Variants in FUT9 observed in about 807,000 individuals in gnomAD.
FUT9 encodes the protein 4-galactosyl-N-acetylglucosaminide 3-alpha-L-fucosyltransferase 9.
Under a neutral mutation model 29.7 loss-of-function variants are expected in FUT9, and 15 were observed. That is an observed-to-expected ratio of 0.51 (90% CI 0.34 to 0.78). FUT9 has a LOEUF of 0.78. Ranked by LOEUF, FUT9 falls within the 30% of genes least tolerant of loss-of-function variation. The probability of loss-of-function intolerance (pLI) is 0.01; values close to 1 mark genes in which losing one functional copy is unlikely to be tolerated. For missense variants in FUT9, 319 were observed against 425.4 expected, an observed-to-expected ratio of 0.75 and a Z score of 2.20; for synonymous variants, 169 against 153.7, an observed-to-expected ratio of 1.10 and a Z score of -0.74.
At chr6:96,166,349 C>A (rs1264403979) in intron 2 of FUT9, among the ~76,000 whole-genome samples, 1 of 152,052 alleles carries the variant, frequency 6.6e-6, no homozygotes, top group East Asian at 1.9e-4. Flanking sequence ...CATTATCTTA[C>A]TAGTGTAATA....
At chr6:96,174,214 C>T (rs1371624165) in intron 2 of FUT9, among the ~76,000 whole-genome samples, 3 of 152,010 alleles carry the variant, frequency 2.0e-5, no homozygotes, top group Admixed American at 2.0e-4. Flanking sequence ...TGTAAAATGA[C>T]TCAAAATTAA....
At chr6:96,114,642 T>C (rs573591085) in intron 2 of FUT9, among the ~76,000 whole-genome samples, 21 of 151,392 alleles carry the variant, frequency 1.4e-4, no homozygotes, top group African/African-American at 5.1e-4. Flanking sequence ...ATATATGTAA[T>C]TTATTTAATA....
In FUT9 at chr6:96,213,913, T is replaced by C. The variant is rs968868952; in HGVS notation, c.*9678T>C. On this transcript the variant is annotated 3_prime_UTR_variant, in exon 3 of 3. Coordinates refer to ENST00000302103, the MANE Select transcript of FUT9 (RefSeq NM_006581.4). ...ATATTAGGTGAAAAATTGCATGCAA[T>C]TGGTGAATCATGCAGCTTTGGGGAC... The C allele has an allele frequency of 4.8e-5, 8 of 166,966 alleles. No homozygotes were observed. The highest frequency in any genetic ancestry group is 1.9e-4 in the African/African-American group (8 of 41,458). The allele number at this position is 166,966 out of a possible 1,614,324, so 10.3% of individuals were successfully genotyped here. A position where few individuals can be genotyped will look rare whatever the true frequency, so the allele number is the denominator to read the frequency against.
chr6:96,054,662 A>G (rs771170213), intron 1 of FUT9, among the ~76,000 whole-genome samples: 2 of 152,210 alleles, frequency 1.3e-5, no homozygotes, highest in Non-Finnish European at 2.9e-5. Context: ...GCATACTTGA[A>G]GTTGGAAGTT....
intron 2 of FUT9, among the ~76,000 whole-genome samples, chr6:96,143,150 T>TCCAC (rs1772496826): frequency 6.6e-6 from 1 of 152,114 alleles, no homozygotes; most frequent in Non-Finnish European, 1.5e-5. Flanking sequence ...GGTGATTAGG[T>TCCAC]CAGGAGGGTG....
chr6:96,073,384 G>C (rs1391653631), intron 1 of FUT9, among the ~76,000 whole-genome samples: 1 of 151,756 alleles, frequency 6.6e-6, no homozygotes, highest in African/African-American at 2.4e-5. Context: ...AGGAGGCTGA[G>C]GTTGCAGTGA....
At chr6:96,073,691 C>T (rs970244434) in intron 1 of FUT9, among the ~76,000 whole-genome samples, 8 of 152,174 alleles carry the variant, frequency 5.3e-5, no homozygotes, top group Non-Finnish European at 7.4e-5. Context: ...CTTGAAAGGG[C>T]GATGGGGAAC....
At chr6:96,128,804 G>A (rs996117052) in intron 2 of FUT9, among the ~76,000 whole-genome samples, 6 of 151,866 alleles carry the variant, frequency 4.0e-5, no homozygotes, top group Non-Finnish European at 7.4e-5. Flanking sequence ...AAAATAACTT[G>A]GTGAATATAT....
intron 2 of FUT9, among the ~76,000 whole-genome samples, chr6:96,193,387 G>A (rs1161373330): frequency 8.2e-6 from 1 of 121,226 alleles, no homozygotes; most frequent in African/African-American, 2.9e-5. Flanking sequence ...CAGAAAGTGG[G>A]CGAAGGATGT....
intron 2 of FUT9, among the ~76,000 whole-genome samples, chr6:96,133,769 T>C (rs1004136199): frequency 6.6e-6 from 1 of 151,986 alleles, no homozygotes. Context: ...CATGTTTGTA[T>C]AGTATACTTT....
intron 1 of FUT9, among the ~76,000 whole-genome samples, chr6:96,019,865 A>T (rs978167726): frequency 2.6e-5 from 4 of 152,114 alleles, no homozygotes; most frequent in African/African-American, 9.6e-5. Flanking sequence ...CAAAGTAGTT[A>T]ATAGAAACAG....
chr6:96,138,030 G>C (rs1427894535), intron 2 of FUT9, among the ~76,000 whole-genome samples: 1 of 152,104 alleles, frequency 6.6e-6, no homozygotes, highest in Non-Finnish European at 1.5e-5. Context: ...CTGCTCATCT[G>C]TTGAATTGCT....
intron 2 of FUT9, among the ~76,000 whole-genome samples, chr6:96,116,666 G>A (rs1771917307): frequency 6.6e-6 from 1 of 152,182 alleles, no homozygotes; most frequent in Non-Finnish European, 1.5e-5. Flanking sequence ...ATCTTGCTAA[G>A]TGAAAGAAGG....
intron 2 of FUT9, among the ~76,000 whole-genome samples, chr6:96,185,760 C>T (rs1483820690): frequency 1.3e-5 from 2 of 152,030 alleles, no homozygotes; most frequent in Non-Finnish European, 2.9e-5. Context: ...CTAGTGGCCT[C>T]CATTTTTTCT....
rs1773857752 is a variant in FUT9, at chr6:96,207,636, G to C, written c.*3401G>C. The C allele has an allele frequency of 3.0e-5, 5 of 166,812 alleles. No homozygotes were observed. Among genetic ancestry groups the C allele is most frequent in the East Asian group, 1.9e-4 (1 of 5,190 alleles). The allele number at this position is 166,812 out of a possible 1,614,324, so 10.3% of individuals were successfully genotyped here. Reference sequence around the variant, plus strand: ...TTCTTTGTAAGAAACTCATGAAAAAGATATATTGATTCAACAAAATTGGTT... The same window carrying C: ...TTCTTTGTAAGAAACTCATGAAAAACATATATTGATTCAACAAAATTGGTT... On this transcript the variant is annotated 3_prime_UTR_variant, in exon 3 of 3. Coordinates refer to ENST00000302103, the MANE Select transcript of FUT9 (RefSeq NM_006581.4).
chr6:96,099,030 CTG>C (rs1394042645), intron 1 of FUT9, among the ~76,000 whole-genome samples: 12 of 152,122 alleles, frequency 7.9e-5, no homozygotes, highest in Non-Finnish European at 1.8e-4. Flanking sequence ...AAGAATTAAT[CTG>C]TGCATCCTTT....
intron 2 of FUT9, among the ~76,000 whole-genome samples, chr6:96,155,936 A>G (rs781262579): frequency 6.6e-6 from 1 of 152,196 alleles, no homozygotes; most frequent in Non-Finnish European, 1.5e-5. Context: ...TAGCAAACTA[A>G]TACAGAATGG....
intron 2 of FUT9, among the ~76,000 whole-genome samples, 194 bp from the exon 3 acceptor site, chr6:96,202,953 TC>T (rs1188258463): frequency 1.3e-5 from 2 of 152,202 alleles, no homozygotes; most frequent in African/African-American, 4.8e-5. Flanking sequence ...TTGGGAAACT[TC>T]CTTTTGAAAG....
chr6:96,164,382 C>G (rs1772974153), intron 2 of FUT9, among the ~76,000 whole-genome samples: 1 of 151,798 alleles, frequency 6.6e-6, no homozygotes, highest in Non-Finnish European at 1.5e-5. Flanking sequence ...CCTCAGCCTC[C>G]TGAGTAGCTG....
Sources: gnomAD v4.1 joint callset for allele counts (sites outside exome capture counted in the v4.1 genomes callset) on GRCh38, gnomAD v4.1.1 for gene constraint, MANE v1.5 for transcripts, NCBI Gene and HGNC (gene_info 2026-07-23, HGNC 2026-07-21) for gene names.